The following NAALADL2 variants were observed in gnomAD, a reference collection of about 807,000 sequenced individuals.
NAALADL2 encodes the protein N-acetylated alpha-linked acidic dipeptidase like 2, also known as inactive N-acetylated-alpha-linked acidic dipeptidase-like protein 2.
A neutral mutation model predicts 87.2 loss-of-function variants in NAALADL2; 76 were observed. The observed-to-expected ratio is 0.87, with a 90% CI of 0.72 to 1.05. NAALADL2 has a LOEUF of 1.05. Ranked by LOEUF, NAALADL2 falls within the 50% of genes least tolerant of loss-of-function variation. The probability of loss-of-function intolerance (pLI) is 0.00; values close to 1 mark genes in which losing one functional copy is unlikely to be tolerated. For missense variants in NAALADL2, 1,089 were observed against 945.8 expected (o/e 1.15, Z -1.99); for synonymous variants, 354 against 331.0 (o/e 1.07, Z -0.75).
At chr3:175,787,194 A>C (rs1366114672) in intron 13 of NAALADL2, among the ~76,000 whole-genome samples, 2 of 152,160 alleles carry the variant, frequency 1.3e-5, no homozygotes, top group Non-Finnish European at 2.9e-5. Flanking sequence ...CCAGAGGTGG[A>C]GCCTACAGAG....
chr3:175,787,689 G>A (rs976212903), intron 13 of NAALADL2, among the ~76,000 whole-genome samples: 2 of 152,036 alleles, frequency 1.3e-5, no homozygotes, highest in Non-Finnish European at 2.9e-5. Flanking sequence ...GCTCACGCTG[G>A]GAGCTGTAGA....
At chr3:175,454,278 T>C (rs1486780572) in intron 6 of NAALADL2, among the ~76,000 whole-genome samples, 1 of 152,028 alleles carries the variant, frequency 6.6e-6, no homozygotes, top group Non-Finnish European at 1.5e-5. Flanking sequence ...GATTTAGATG[T>C]TTGCCATTAA....
At chr3:175,076,799 A>G (rs890005176) in intron 1 of NAALADL2, among the ~76,000 whole-genome samples, 1 of 152,230 alleles carries the variant, frequency 6.6e-6, no homozygotes, top group African/African-American at 2.4e-5. Flanking sequence ...TTTGAAATCT[A>G]TAAAGCATAC....
At chr3:175,019,679 C>A (rs1253134463) in intron 1 of NAALADL2, among the ~76,000 whole-genome samples, 1 of 152,026 alleles carries the variant, frequency 6.6e-6, no homozygotes, top group South Asian at 2.1e-4. Context: ...CTTTTCCCCT[C>A]TGGAATGCCG....
chr3:174,801,536 C>T (rs1187626842), intron 3 of NAALADL2, among the ~76,000 whole-genome samples: 5 of 152,098 alleles, frequency 3.3e-5, no homozygotes, highest in Admixed American at 3.3e-4. Flanking sequence ...AATAGAACAT[C>T]CTTGTCTTGC....
chr3:175,119,251 T>C (rs1157212026), intron 2 of NAALADL2, among the ~76,000 whole-genome samples: 1 of 151,670 alleles, frequency 6.6e-6, no homozygotes, highest in Non-Finnish European at 1.5e-5. Flanking sequence ...AAGTGCCATA[T>C]AACCAAACAG....
chr3:175,222,471 C>T (rs1435761595), intron 2 of NAALADL2, among the ~76,000 whole-genome samples: 2 of 152,136 alleles, frequency 1.3e-5, no homozygotes, highest in Admixed American at 6.5e-5. Context: ...TGAAATGTTT[C>T]CTACTCAGCT....
chr3:174,509,938 A>C (rs1204167154), intron 1 of NAALADL2, among the ~76,000 whole-genome samples: 2 of 152,108 alleles, frequency 1.3e-5, no homozygotes, highest in Non-Finnish European at 2.9e-5. Context: ...ACTTTGCCTA[A>C]AATATTTATC....
intron 2 of NAALADL2, among the ~76,000 whole-genome samples, chr3:175,154,431 A>G (rs1390522996): frequency 6.6e-6 from 1 of 152,174 alleles, no homozygotes; most frequent in Non-Finnish European, 1.5e-5. Context: ...CACCTACTTG[A>G]TAGGTAACCT....
At chr3:174,587,183 A>G (rs1054951045) in intron 2 of NAALADL2, among the ~76,000 whole-genome samples, 1 of 152,086 alleles carries the variant, frequency 6.6e-6, no homozygotes, top group Non-Finnish European at 1.5e-5. Flanking sequence ...TTATGGCTGC[A>G]TAGTATTCCA....
chr3:174,909,145 T>C (rs1329797986), intron 1 of NAALADL2, among the ~76,000 whole-genome samples: 1 of 152,070 alleles, frequency 6.6e-6, no homozygotes, highest in Non-Finnish European at 1.5e-5. Context: ...TCCCAGGAGT[T>C]TGGGAGACCC....
At chr3:175,380,744 TACTGTCTGAAAGTATATATTACAGATGCC>T (rs1553878927) in intron 5 of NAALADL2, among the ~76,000 whole-genome samples, 1 of 152,128 alleles carries the variant, frequency 6.6e-6, no homozygotes, top group Non-Finnish European at 1.5e-5. Flanking sequence ...GCAAAAAATA[TACTGTCTGAAAGTATATATTACAGATGCC>T]ATTTAACTAC....
chr3:175,044,902 C>T (rs1455125108), intron 1 of NAALADL2, among the ~76,000 whole-genome samples: 44 of 150,738 alleles, frequency 2.9e-4, no homozygotes, highest in Non-Finnish European at 1.5e-5. Flanking sequence ...TAATTCTAGT[C>T]ACAGAGAGCG....
intron 5 of NAALADL2, among the ~76,000 whole-genome samples, chr3:175,326,278 T>C (rs1284395895): frequency 6.6e-6 from 1 of 152,236 alleles, no homozygotes; most frequent in Non-Finnish European, 1.5e-5. Context: ...CTTATCAGAA[T>C]GGCCTTTACT....
intron 2 of NAALADL2, among the ~76,000 whole-genome samples, chr3:175,117,236 G>A (rs1725391167): frequency 6.7e-6 from 1 of 150,302 alleles, no homozygotes; most frequent in Non-Finnish European, 1.5e-5. Flanking sequence ...CAAAAGCAAT[G>A]GCAACAAAAG....
At chr3:174,776,280 G>A (rs954930628) in intron 3 of NAALADL2, among the ~76,000 whole-genome samples, 3 of 151,982 alleles carry the variant, frequency 2.0e-5, no homozygotes, top group African/African-American at 7.3e-5. Flanking sequence ...TTGGCCTGAG[G>A]CTGTTGAGTG....
rs114135179 is a variant in NAALADL2, at chr3:175,279,557, G to T, written c.939+23027G>T. Among the ~76,000 whole-genome samples, 1,290 of 151,580 alleles carry T rather than the reference G, an allele frequency of 8.5e-3. 24 individuals carry two copies. Among genetic ancestry groups the T allele is most frequent in the African/African-American group, 0.029 (1,217 of 41,302 alleles). On this transcript the variant is annotated intron_variant, in intron 4 of 13. Transcript: ENST00000454872. ...ATCTGTAGCTTGAATTTTATTCTAGGCATAAAATCATATGTTATGTCTCTT... is the reference window on the plus strand; with the variant it reads ...ATCTGTAGCTTGAATTTTATTCTAGTCATAAAATCATATGTTATGTCTCTT...
At chr3:175,147,978 T>C (rs1730991392) in intron 2 of NAALADL2, among the ~76,000 whole-genome samples, 1 of 151,202 alleles carries the variant, frequency 6.6e-6, no homozygotes, top group South Asian at 2.1e-4. Context: ...GCTGAGACAA[T>C]AGAATCGCTT....
At chr3:175,149,943 A>C (rs540533898) in intron 2 of NAALADL2, among the ~76,000 whole-genome samples, 15 of 152,164 alleles carry the variant, frequency 9.9e-5, no homozygotes, top group Non-Finnish European at 1.9e-4. Context: ...GTTTGACAGT[A>C]ACATCTGGTA....
Sources: gnomAD v4.1 joint callset for allele counts (sites outside exome capture counted in the v4.1 genomes callset) on GRCh38, gnomAD v4.1.1 for gene constraint, MANE v1.5 for transcripts, NCBI Gene and HGNC (gene_info 2026-07-23, HGNC 2026-07-21) for gene names.